The following LRRC28 variants were observed in gnomAD, a reference collection of about 807,000 sequenced individuals.
LRRC28 encodes the protein leucine rich repeat containing 28.
LRRC28 carries 39 observed loss-of-function variants against 45.7 expected under a neutral mutation model. That is an observed-to-expected ratio of 0.85 (90% CI 0.66 to 1.12). The LOEUF is 1.12. Ranked by LOEUF, LRRC28 falls within the 50% of genes most tolerant of loss-of-function variation. The pLI, the probability that LRRC28 is intolerant of heterozygous loss-of-function variation, is 0.00. For synonymous variants in LRRC28, 206 were observed against 178.8 expected, an observed-to-expected ratio of 1.15 and a Z score of -1.22; for missense variants, 435 against 438.5, an observed-to-expected ratio of 0.99 and a Z score of 0.07.
intron 5 of LRRC28, among the ~76,000 whole-genome samples, chr15:99,309,074 T>C (rs1567649299): frequency 6.6e-6 from 1 of 152,262 alleles, no homozygotes; most frequent in East Asian, 1.9e-4. Context: ...TTCCATTCTA[T>C]AAGAATCTTG....
chr15:99,260,798 G>A (rs1329635549), intron 2 of LRRC28, among the ~76,000 whole-genome samples: 2 of 152,212 alleles, frequency 1.3e-5, no homozygotes, highest in Non-Finnish European at 1.5e-5. Context: ...TGGGGAAAAC[G>A]TTGAAAATAT....
intron 2 of LRRC28, among the ~76,000 whole-genome samples, chr15:99,265,736 T>G (rs1050287490): frequency 6.6e-6 from 1 of 152,196 alleles, no homozygotes; most frequent in Non-Finnish European, 1.5e-5. Flanking sequence ...AACTCAGGAC[T>G]GAGAGGTAAG....
At chr15:99,307,848 C>T (rs1222885328) in intron 5 of LRRC28, among the ~76,000 whole-genome samples, 1 of 152,176 alleles carries the variant, frequency 6.6e-6, no homozygotes, top group African/African-American at 2.4e-5. Flanking sequence ...TTTTGTGTGA[C>T]CTTGGTCACT....
At chr15:99,271,263 T>G (rs1188500182) in intron 2 of LRRC28, among the ~76,000 whole-genome samples, 1 of 151,764 alleles carries the variant, frequency 6.6e-6, no homozygotes, top group East Asian at 1.9e-4. Context: ...GTTTTTACAT[T>G]TTGATGACAT....
At chr15:99,327,092 G>T (rs1233216862) in intron 5 of LRRC28, among the ~76,000 whole-genome samples, 1 of 151,384 alleles carries the variant, frequency 6.6e-6, no homozygotes, top group Non-Finnish European at 1.5e-5. Context: ...AATTTTTTTT[G>T]AGACAAGAGT....
chr15:99,388,765 A>G lies in LRRC28; in HGVS notation c.*2663A>G, dbSNP rs1297278617. ...TTCACACAATAATAGTAATGCAAAA[A>G]AAGTGAGCTACTTGGAAAGTATCAT... is the stretch of plus-strand genomic sequence containing the variant. On this transcript the variant is annotated 3_prime_UTR_variant, in exon 10 of 10. Transcript: ENST00000301981. 3 of 152,360 alleles carry G rather than the reference A, an allele frequency of 2.0e-5. No homozygotes were observed. In the East Asian group the frequency reaches 5.8e-4, roughly 29 times the overall value. The allele number at this position is 152,360 out of a possible 1,614,324, so 9.4% of individuals were successfully genotyped here.
At chr15:99,262,529 C>T (rs1176981503) in intron 2 of LRRC28, among the ~76,000 whole-genome samples, 1 of 152,206 alleles carries the variant, frequency 6.6e-6, no homozygotes, top group Non-Finnish European at 1.5e-5. Context: ...TTGCAGTGAG[C>T]TGCAATTGTG....
intron 5 of LRRC28, among the ~76,000 whole-genome samples, chr15:99,311,723 A>G (rs1955419665): frequency 2.6e-5 from 4 of 152,222 alleles, no homozygotes; most frequent in Admixed American, 1.3e-4. Context: ...GAATCTGTAC[A>G]TGGCTTGCAA....
intron 9 of LRRC28, chr15:99,384,440 T>C (rs1957921900): frequency 6.6e-6 from 1 of 152,228 alleles, no homozygotes; most frequent in Non-Finnish European, 1.5e-5. Context: ...TGGCATGTGA[T>C]CCTGAAACCT....
At chr15:99,258,949 T>C (rs762122359) in intron 2 of LRRC28, 2 of 737,102 alleles carry the variant, frequency 2.7e-6, no homozygotes, top group Non-Finnish European at 5.1e-6. Flanking sequence ...TGTCTTTGAA[T>C]GTTTCCTGTG....
rs1240391255 is a variant in LRRC28, at chr15:99,262,581, CA to C, written c.168+6464del. ...TGGACAACAGAGTGAGACTCGGTCTCAAAAAAAATTTTTTTAAAGCAATATT... is the reference window on the plus strand; with the variant it reads ...TGGACAACAGAGTGAGACTCGGTCTCAAAAAAATTTTTTTAAAGCAATATT... On this transcript the variant is annotated intron_variant, in intron 2 of 9. Transcript: ENST00000301981. 2.6e-5 allele frequency among the ~76,000 whole-genome samples: 4 copies of C among 152,058 alleles called. No individual in the cohort carries two copies. The East Asian group carries it at 5.8e-4, about 22-fold the overall frequency.
intron 9 of LRRC28, among the ~76,000 whole-genome samples, chr15:99,366,883 T>TAA (rs113516264): frequency 4.6e-5 from 7 of 151,322 alleles, no homozygotes; most frequent in South Asian, 4.2e-4. Context: ...CCCACTGAGA[T>TAA]AAAAAAAAAT....
At chr15:99,328,580 A>C (rs1315985156) in intron 5 of LRRC28, among the ~76,000 whole-genome samples, 3 of 151,370 alleles carry the variant, frequency 2.0e-5, no homozygotes, top group Non-Finnish European at 4.4e-5. Flanking sequence ...ATACCTAGAA[A>C]CTTGATAAAG....
intron 5 of LRRC28, among the ~76,000 whole-genome samples, chr15:99,288,747 T>C (rs1258437708): frequency 6.6e-6 from 1 of 152,064 alleles, no homozygotes; most frequent in Non-Finnish European, 1.5e-5. Flanking sequence ...TGGCGTGATC[T>C]CGGCTCACTG....
chr15:99,345,441 C>T (rs979472324), intron 6 of LRRC28, among the ~76,000 whole-genome samples: 1 of 152,158 alleles, frequency 6.6e-6, no homozygotes, highest in African/African-American at 2.4e-5. Context: ...AGCACCTTTT[C>T]ATCTACCTGT....
intron 9 of LRRC28, among the ~76,000 whole-genome samples, chr15:99,378,228 G>A (rs1312194469): frequency 1.3e-5 from 2 of 152,140 alleles, no homozygotes; most frequent in Non-Finnish European, 2.9e-5. Flanking sequence ...TTGAGCAGTG[G>A]TTTGTAGTTC....
At chr15:99,360,318 A>G (rs1250298594) in intron 7 of LRRC28, among the ~76,000 whole-genome samples, 1 of 152,122 alleles carries the variant, frequency 6.6e-6, no homozygotes, top group African/African-American at 2.4e-5. Context: ...ATATTGTCTT[A>G]TCTTTAAAAT....
chr15:99,325,242 G>C (rs1331573297), intron 5 of LRRC28, among the ~76,000 whole-genome samples: 1 of 152,118 alleles, frequency 6.6e-6, no homozygotes, highest in Non-Finnish European at 1.5e-5. Flanking sequence ...GTTTTTTCCT[G>C]ATGTATAGAA....
In LRRC28 at chr15:99,256,066, G is replaced by C; in HGVS notation, c.109G>C (p.Asp37His). 6 of 1,613,950 alleles carry C rather than the reference G, an allele frequency of 3.7e-6. No homozygotes were observed. The highest frequency in any genetic ancestry group is 5.1e-6 in the Non-Finnish European group (6 of 1,179,902). The change falls in exon 2 of 10, where the codon GAT becomes CAT. Residue 37 changes from aspartate (D) to histidine (H), a missense_variant. Physicochemically the swap from Asp to His is moderately conservative, Grantham distance 81. Transcript: ENST00000301981. ...CCATTTTCCATTGGAGTTACTGAAA[G>C]ATGAGGGACTGCAGTACTTGGAGAG... ...LHHFPLELLK[D>H]EGLQYLERLY...
Sources: gnomAD v4.1 joint callset for allele counts (sites outside exome capture counted in the v4.1 genomes callset) on GRCh38, gnomAD v4.1.1 for gene constraint, MANE v1.5 for transcripts, NCBI Gene and HGNC (gene_info 2026-07-23, HGNC 2026-07-21) for gene names.